DENND4C: variants seen among roughly 807,000 people sequenced by gnomAD.
The protein encoded by DENND4C is DENN domain containing 4C.
A neutral mutation model predicts 203.0 loss-of-function variants in DENND4C; 108 were observed. That is an observed-to-expected ratio of 0.53 (90% CI 0.46 to 0.62). The LOEUF (loss-of-function observed/expected upper bound fraction) is 0.62, where lower values mean the gene tolerates loss of function less well. DENND4C is among the 20% of genes least tolerant of loss of function. The pLI is 0.00. For synonymous variants in DENND4C, 871 were observed against 792.4 expected, an observed-to-expected ratio of 1.10 and a Z score of -1.67; for missense variants, 2,481 against 2,301.2, an observed-to-expected ratio of 1.08 and a Z score of -1.60.
At chr9:19,343,495 C>T (rs1011925029) in intron 22 of DENND4C, among the ~76,000 whole-genome samples, 2 of 152,200 alleles carry the variant, frequency 1.3e-5, no homozygotes, top group African/African-American at 4.8e-5. Flanking sequence ...TATTGTATGA[C>T]TGTACAGAAA....
intron 1 of DENND4C, among the ~76,000 whole-genome samples, chr9:19,253,847 A>G (rs1437971031): frequency 6.6e-6 from 1 of 152,154 alleles, no homozygotes; most frequent in African/African-American, 2.4e-5. Context: ...GTGCTGTTCT[A>G]AACAGTAAGG....
At position 19,325,992 on chromosome 9, in the gene DENND4C, T is replaced by TTA; in HGVS notation, c.1989+19_1989+20insAT. ...CAGATAAGGTATGTTTTTCTTAGAT[T>TTA]TTAAGGGTTGAAATTTCAGAATTAG... On this transcript the variant is annotated intron_variant, in intron 14 of 32. Coordinates refer to ENST00000434457, the MANE Select transcript of DENND4C (RefSeq NM_001330640.2). 1.9e-6 allele frequency: 3 copies of TTA among 1,609,032 alleles called. No individual in the cohort carries two copies. In the South Asian group the frequency reaches 3.3e-5, roughly 18 times the overall value.
chr9:19,369,095 A>G (rs1490815223), intron 30 of DENND4C, among the ~76,000 whole-genome samples: 2 of 151,758 alleles, frequency 1.3e-5, no homozygotes, highest in Admixed American at 6.6e-5. Context: ...GGTTACAATG[A>G]TCAGCCACTG....
At chr9:19,277,626 C>G (rs555305740) in intron 2 of DENND4C, among the ~76,000 whole-genome samples, 3 of 151,426 alleles carry the variant, frequency 2.0e-5, no homozygotes, top group Non-Finnish European at 4.4e-5. Context: ...TTACTCCTTC[C>G]TTTGCAGTTT....
intron 10 of DENND4C, among the ~76,000 whole-genome samples, chr9:19,313,723 A>G (rs990848067): frequency 1.3e-5 from 2 of 152,174 alleles, no homozygotes; most frequent in African/African-American, 4.8e-5. Context: ...GTTTGCTTCC[A>G]TTCTGGTGGC....
chr9:19,367,758 T>A (rs1256735583), intron 30 of DENND4C, among the ~76,000 whole-genome samples: 3 of 151,944 alleles, frequency 2.0e-5, no homozygotes, highest in East Asian at 3.9e-4. Flanking sequence ...GAAAAAAAAA[T>A]TATGAATTGA....
At chr9:19,336,665 T>A in intron 19 of DENND4C, 21 bp from the exon 20 acceptor site, 2 of 1,545,428 alleles carry the variant, frequency 1.3e-6, no homozygotes. Flanking sequence ...GTTATTGAAC[T>A]GCTATTGTCC....
chr9:19,288,455 A>G (rs1049087936), intron 3 of DENND4C, 141 bp from the exon 4 acceptor site: 8 of 432,166 alleles, frequency 1.9e-5, no homozygotes, highest in African/African-American at 1.0e-4. Context: ...GCTTTGCTGT[A>G]TTTTATACTG....
chr9:19,234,119 G>T (rs573410265), intron 1 of DENND4C, among the ~76,000 whole-genome samples: 1 of 151,982 alleles, frequency 6.6e-6, no homozygotes, highest in Non-Finnish European at 1.5e-5. Flanking sequence ...GTATATTACT[G>T]TTATTTTATG....
intron 26 of DENND4C, among the ~76,000 whole-genome samples, chr9:19,354,505 A>T (rs1824906246): frequency 6.7e-6 from 1 of 149,028 alleles, no homozygotes; most frequent in Admixed American, 6.7e-5. Flanking sequence ...ATTTCTCTTG[A>T]TACTGACAAA....
intron 1 of DENND4C, among the ~76,000 whole-genome samples, chr9:19,235,482 T>C (rs10118150): frequency 0.51 from 76,745 of 151,476 alleles, 20,426 homozygotes; most frequent in South Asian, 0.58. Flanking sequence ...AGAAGTAATG[T>C]AATTCTTATA....
intron 17 of DENND4C, 45 bp downstream of exon 17, chr9:19,332,229 T>C: frequency 6.4e-7 from 1 of 1,568,856 alleles, no homozygotes; most frequent in Non-Finnish European, 8.7e-7. Flanking sequence ...AATTTTATTT[T>C]TGTACTTCTA....
chr9:19,274,464 T>A (rs1004479147), intron 1 of DENND4C, among the ~76,000 whole-genome samples: 1 of 152,078 alleles, frequency 6.6e-6, no homozygotes, highest in Non-Finnish European at 1.5e-5. Flanking sequence ...CCCAGCTAAT[T>A]TTGTATATTT....
chr9:19,332,234 C>T lies in DENND4C; in HGVS notation c.2460+50C>T, dbSNP rs567982747. ...TTCTAAGGTAAATTTTATTTTTGTA[C>T]TTCTAATAAAATTTGGGTGTAAGTT... On this transcript the variant is annotated intron_variant, in intron 17 of 32. Transcript: ENST00000434457. 18 of 1,556,832 alleles carry T rather than the reference C, an allele frequency of 1.2e-5. No homozygotes were observed. The Admixed American group carries it at 2.2e-4, about 19-fold the overall frequency.
chr9:19,262,624 G>C (rs374694874), intron 1 of DENND4C, among the ~76,000 whole-genome samples: 2 of 152,000 alleles, frequency 1.3e-5, no homozygotes, highest in East Asian at 3.9e-4. Context: ...TAGAGATGGG[G>C]TTTTGCCATA....
intron 29 of DENND4C, 50 bp from the exon 30 acceptor site, chr9:19,361,796 T>A (rs748912121): frequency 9.1e-7 from 1 of 1,098,798 alleles, no homozygotes; most frequent in Non-Finnish European, 1.4e-6. Flanking sequence ...CTAGATCTAC[T>A]GGTAATTGTT....
At chr9:19,263,841 G>A (rs1829939064) in intron 1 of DENND4C, among the ~76,000 whole-genome samples, 1 of 150,814 alleles carries the variant, frequency 6.6e-6, no homozygotes, top group Non-Finnish European at 1.5e-5. Context: ...TGTATTTTTG[G>A]TAGAGACAGG....
rs1588988471 is a variant in DENND4C at position 19,361,767 on chromosome 9, T to A, written c.5407-79T>A. 4.7e-6 allele frequency: 4 copies of A among 853,912 alleles called. No homozygotes were observed. The East Asian group carries it at 1.0e-4, about 22-fold the overall frequency. The allele number at this position is 853,912 out of a possible 1,614,324, so 52.9% of individuals were successfully genotyped here. On this transcript the variant is annotated intron_variant, in intron 29 of 32. Coordinates refer to ENST00000434457, the MANE Select transcript of DENND4C (RefSeq NM_001330640.2). ...CAGAATTTTAAAAGGACTCATCTGT[T>A]TTATATAATCAAGCTTCACTAGATC... is the stretch of plus-strand genomic sequence containing the variant.
chr9:19,360,517 T>G (rs1373211660), intron 29 of DENND4C, 28 bp downstream of exon 29: 1 of 1,613,046 alleles, frequency 6.2e-7, no homozygotes, highest in South Asian at 1.1e-5. Flanking sequence ...ATACTTACAT[T>G]AGTATTCAGT....
Sources: allele counts gnomAD v4.1 joint callset (sites outside exome capture counted in the v4.1 genomes callset), GRCh38; gene constraint gnomAD v4.1.1; transcripts MANE v1.5; gene names NCBI Gene and HGNC (gene_info 2026-07-23, HGNC 2026-07-21).